The following ASPG variants were observed in gnomAD, a reference collection of about 807,000 sequenced individuals.
The protein encoded by ASPG is asparaginase, also known as 60 kDa lysophospholipase.
Under a neutral mutation model 63.2 loss-of-function variants are expected in ASPG, and 53 were observed. The observed-to-expected ratio is 0.84, with a 90% CI of 0.67 to 1.05. The LOEUF (loss-of-function observed/expected upper bound fraction) is 1.05, where lower values mean the gene tolerates loss of function less well. Among genes scored for constraint, ASPG ranks in the 50% least tolerant of loss-of-function variants. The pLI is 0.00. For synonymous variants in ASPG, 370 were observed against 355.0 expected (o/e 1.04, Z -0.48); for missense variants, 741 against 794.4 (o/e 0.93, Z 0.81).
intron 10 of ASPG, 110 bp downstream of exon 10, chr14:104,105,560 A>T: frequency 7.1e-7 from 1 of 1,401,240 alleles, no homozygotes. Flanking sequence ...ACTCGAGCCC[A>T]AACAGTTAGG....
chr14:104,102,665 G>A (rs2036930244), intron 6 of ASPG, among the ~76,000 whole-genome samples: 2 of 152,212 alleles, frequency 1.3e-5, no homozygotes. Context: ...CCTCAGCCTT[G>A]GCGCTGGCCT....
At position 104,106,843 on chromosome 14, in the gene ASPG, T is replaced by C; in HGVS notation, c.1218T>C (p.Cys406=). 6.2e-7 allele frequency: 1 copy of C among 1,601,536 alleles called. No homozygotes were observed. The highest frequency in any genetic ancestry group is 8.5e-7 in the Non-Finnish European group (1 of 1,175,738). The change falls in exon 11 of 16, where the codon TGT becomes TGC. Residue 406 remains cysteine (C), a synonymous_variant. Transcript: ENST00000551177. The part of the protein sequence containing the change: ...LRNALVPSLA[C]AAAHAGDVEA... The stretch of plus-strand genomic sequence containing the variant: ...ATGCCCTGGTGCCCAGCCTGGCCTG[T>C]GCTGCTGCCCACGCCGGTGACGTGG...
chr14:104,108,258 G>T, intron 12 of ASPG: 1 of 190,354 alleles, frequency 5.3e-6, no homozygotes, highest in Non-Finnish European at 9.7e-6. Flanking sequence ...GACAGGAGGG[G>T]GCGGGGCTGT....
At position 104,111,408 on chromosome 14, in the gene ASPG, T is replaced by G. The variant is rs541759176; in HGVS notation, c.1521-94T>G. The G allele has an allele frequency of 3.3e-6, 4 of 1,211,932 alleles. No individual in the cohort carries two copies. In the South Asian group the frequency reaches 5.6e-5, roughly 17 times the overall value. The allele number at this position is 1,211,932 out of a possible 1,614,324, so 75.1% of individuals were successfully genotyped here. A position where few individuals can be genotyped will look rare whatever the true frequency, so the allele number is the denominator to read the frequency against. ...GGTCAGCTGTTTGGGGCTGGCTTTGTAAGAGCGTCCAGGCCACCTGGGGGA... is the reference window on the plus strand; with the variant it reads ...GGTCAGCTGTTTGGGGCTGGCTTTGGAAGAGCGTCCAGGCCACCTGGGGGA... On this transcript the variant is annotated intron_variant, in intron 13 of 15. Transcript: ENST00000551177.
At position 104,109,453 on chromosome 14, in the gene ASPG, C is replaced by A; in HGVS notation, c.1520+138C>A. 1 of 929,488 alleles carries A rather than the reference C, an allele frequency of 1.1e-6. No individual in the cohort carries two copies. Among genetic ancestry groups the A allele is most frequent in the Non-Finnish European group, 1.6e-6 (1 of 630,660 alleles). 57.6% of individuals were successfully genotyped at this position (929,488 alleles called of 1,614,324 possible). On this transcript the variant is annotated intron_variant, in intron 13 of 15. Transcript: ENST00000551177. This position sits in a 1 kb window ranked among gnomAD's most constrained non-coding sequence, Gnocchi z 4.8. The stretch of plus-strand genomic sequence containing the variant: ...GGCGAGGCCCGCTGACCTCAGTGTG[C>A]ACCAACCTGGCTGATGGGAAGAGGT...
Position 104,085,939 on chromosome 14 carries a change from G to A in ASPG, c.82+87G>A, listed in dbSNP as rs1180238820. ...CCCTCCTGCACCCACGGGGGTCGTT[G>A]GGGAGTCAAATCCGCGCCTGGATGG... On this transcript the variant is annotated intron_variant, in intron 1 of 15. Coordinates refer to ENST00000551177, the MANE Select transcript of ASPG (RefSeq NM_001080464.3). 9 of 1,308,142 alleles carry A rather than the reference G, an allele frequency of 6.9e-6. No homozygotes were observed. The East Asian group carries it at 2.3e-4, about 34-fold the overall frequency. The allele number at this position is 1,308,142 out of a possible 1,614,324, so 81.0% of individuals were successfully genotyped here.
rs1014397875 is a variant in ASPG at position 104,111,998 on chromosome 14, C to T, written c.1699C>T (p.Pro567Ser). 1.9e-6 allele frequency: 3 copies of T among 1,552,952 alleles called. No individual in the cohort carries two copies. Among genetic ancestry groups the T allele is most frequent in the Admixed American group, 1.9e-5 (1 of 51,366 alleles). ...EGAVGAQAPC[P>S]EVLPGV ...TGCGGTTGGTGCCCAGGCCCCATGC[C>T]CAGTAAGTCCCCACCCCAGGCGGGG... Residue 567 changes from proline (P) to serine (S), a missense_variant and splice_region_variant, in exon 15 of 16, where the codon CCA (proline) becomes TCA (serine). Transcript: ENST00000551177.
At chr14:104,111,811 C>T in intron 14 of ASPG, 109 bp from the exon 15 acceptor site, 1 of 1,154,476 alleles carries the variant, frequency 8.7e-7, no homozygotes, top group Non-Finnish European at 1.2e-6. Flanking sequence ...TGCTGGGGCC[C>T]TGTGTGTGTG....
chr14:104,105,184 C>T, intron 9 of ASPG, 144 bp from the exon 10 acceptor site: 5 of 1,331,428 alleles, frequency 3.8e-6, no homozygotes, highest in Non-Finnish European at 5.2e-6. Context: ...CCAGCCCGCT[C>T]TGGCCCGAGG....
chr14:104,104,288 C>A lies in ASPG; in HGVS notation c.754-16C>A, dbSNP rs778742774. ...AGAGACCCTCACCATCCAGCCCCCA[C>A]CCCACCGCCCCACAGGTTCGGGCCT... On this transcript the variant is annotated splice_polypyrimidine_tract_variant and intron_variant, in intron 7 of 15. Coordinates refer to ENST00000551177, the MANE Select transcript of ASPG (RefSeq NM_001080464.3). 1 of 1,604,866 alleles carries A rather than the reference C, an allele frequency of 6.2e-7. No homozygotes were observed. Among genetic ancestry groups the A allele is most frequent in the Non-Finnish European group, 8.5e-7 (1 of 1,174,916 alleles).
At chr14:104,090,174 C>T (rs2036327187) in intron 1 of ASPG, among the ~76,000 whole-genome samples, 1 of 152,174 alleles carries the variant, frequency 6.6e-6, no homozygotes, top group Non-Finnish European at 1.5e-5. Context: ...TTGTCTTTGG[C>T]TGATTTCGCC....
Position 104,106,793 on chromosome 14 carries a change from A to G in ASPG, c.1174-6A>G. 1 of 1,588,134 alleles carries G rather than the reference A, an allele frequency of 6.3e-7. No individual in the cohort carries two copies. The highest frequency in any genetic ancestry group is 1.2e-5 in the South Asian group (1 of 86,812). ...TGGGTCCCAGGGTGCCGCCTTCCCCACCTAGGAGGCAGATGCCCTGCGGAA... is the reference window on the plus strand; with the variant it reads ...TGGGTCCCAGGGTGCCGCCTTCCCCGCCTAGGAGGCAGATGCCCTGCGGAA... On this transcript the variant is annotated splice_region_variant and splice_polypyrimidine_tract_variant and intron_variant, in intron 10 of 15. Transcript: ENST00000551177.
chr14:104,100,282 G>A (rs2036816699), intron 6 of ASPG, among the ~76,000 whole-genome samples: 1 of 152,234 alleles, frequency 6.6e-6, no homozygotes, highest in African/African-American at 2.4e-5. Context: ...CAGAAGTCGG[G>A]GGACAGGAGG....
At position 104,103,638 on chromosome 14, in the gene ASPG, G is replaced by C; in HGVS notation, c.716G>C (p.Gly239Ala). The C allele has an allele frequency of 1.9e-6, 3 of 1,548,020 alleles. No homozygotes were observed. Among genetic ancestry groups the C allele is most frequent in the Non-Finnish European group, 2.6e-6 (3 of 1,146,698 alleles). The change falls in exon 7 of 16, where the codon GGC (glycine) becomes GCC (alanine). Residue 239 changes from glycine to alanine, a missense_variant. Transcript: ENST00000551177. ...VVHSSMEQDV[G>A]LLRLYPGIPA... ...CACAGCAGCATGGAGCAGGACGTGG[G>C]CCTGCTGCGCCTCTACCCTGGGATC... is the stretch of plus-strand genomic sequence containing the variant.
intron 1 of ASPG, among the ~76,000 whole-genome samples, chr14:104,088,449 C>T (rs192084388): frequency 1.4e-3 from 206 of 152,334 alleles, no homozygotes; most frequent in Non-Finnish European, 2.2e-3. Context: ...AAGCTGGCAT[C>T]AGTGGCCACG....
In ASPG at chr14:104,111,555, C is replaced by T. The variant is rs2037383759; in HGVS notation, c.1574C>T (p.Ala525Val). 3.2e-6 allele frequency: 5 copies of T among 1,552,354 alleles called. No homozygotes were observed. Among genetic ancestry groups the T allele is most frequent in the Non-Finnish European group, 4.4e-6 (5 of 1,148,022 alleles). ...CTGCAGGTGTGGTGGCAGGCAGGGG[C>T]TGACCTGGGGCAGCCGGGCTATGAC... ...EGLQVWWQAG[A>V]DLGQPGYDGH... The change falls in exon 14 of 16, where the codon GCT becomes GTT. Residue 525 changes from alanine to valine, a missense_variant. By Grantham distance (64) the Ala-to-Val change is moderately conservative (BLOSUM62 0). Transcript: ENST00000551177.
chr14:104,108,606 C>A, intron 12 of ASPG: 1 of 985,424 alleles, frequency 1.0e-6, no homozygotes, highest in Non-Finnish European at 1.2e-6. Flanking sequence ...ATGGCACAGT[C>A]TTTAGGTCAC....
rs1452299713 is a variant in ASPG, at chr14:104,091,179, T to C, written c.83-1454T>C. Among the ~76,000 whole-genome samples, 1 of 151,404 alleles carries C rather than the reference T, an allele frequency of 6.6e-6. No homozygotes were observed. Among genetic ancestry groups the C allele is most frequent in the Non-Finnish European group, 1.5e-5 (1 of 67,862 alleles). On this transcript the variant is annotated intron_variant, in intron 1 of 15. Transcript: ENST00000551177. This position sits in a 1 kb window ranked among gnomAD's most constrained non-coding sequence, Gnocchi z 6.4. ...TGCGCCCGGCCCTGGGATGCGGACA[T>C]CTAGGATGCTTTTTCAACCCACCAT... is the stretch of plus-strand genomic sequence containing the variant.
At chr14:104,092,268 A>C (rs2036390781) in intron 1 of ASPG, among the ~76,000 whole-genome samples, 1 of 152,156 alleles carries the variant, frequency 6.6e-6, no homozygotes, top group African/African-American at 2.4e-5. Flanking sequence ...ATCCACAGTG[A>C]GGCAAAGGCT....
Sources: allele counts gnomAD v4.1 joint callset (sites outside exome capture counted in the v4.1 genomes callset), GRCh38; gene constraint gnomAD v4.1.1; non-coding constraint Gnocchi (gnomAD v3.1); transcripts MANE v1.5; gene names NCBI Gene and HGNC (gene_info 2026-07-23, HGNC 2026-07-21).